Variants in CDKL4 observed in about 807,000 individuals in gnomAD.
The protein encoded by CDKL4 is cyclin-dependent kinase-like 4.
Under a neutral mutation model 42.0 loss-of-function variants are expected in CDKL4, and 44 were observed. That is an observed-to-expected ratio of 1.05 (90% CI 0.82 to 1.35). The LOEUF (loss-of-function observed/expected upper bound fraction) is 1.35. Ranked by LOEUF, CDKL4 falls within the 40% of genes most tolerant of loss-of-function variation. The probability of loss-of-function intolerance (pLI) is 0.00; values close to 1 mark genes in which losing one functional copy is unlikely to be tolerated. For synonymous variants in CDKL4, 120 were observed against 121.6 expected, an observed-to-expected ratio of 0.99 and a Z score of 0.09; for missense variants, 393 against 369.9, an observed-to-expected ratio of 1.06 and a Z score of -0.51.
intron 3 of CDKL4, among the ~76,000 whole-genome samples, chr2:39,221,001 G>A (rs3209967): frequency 1.3e-5 from 1 of 78,826 alleles, no homozygotes; most frequent in East Asian, 4.8e-4. Context: ...TTTTTTTTTT[G>A]TTTTTTTTTT....
intron 3 of CDKL4, among the ~76,000 whole-genome samples, chr2:39,221,901 TC>T (rs1315114661): frequency 6.6e-6 from 1 of 152,228 alleles, no homozygotes; most frequent in African/African-American, 2.4e-5. Context: ...CTCTTGTGCA[TC>T]CCTTGCATCA....
rs533742714 is a variant in CDKL4 at position 39,190,563 on chromosome 2, G to C, written c.455-61C>G. 8.8e-5 allele frequency: 124 copies of C among 1,404,630 alleles called. 1 individual carries two copies. In the South Asian group the frequency reaches 1.2e-3, roughly 14 times the overall value. 87.0% of individuals were successfully genotyped at this position (1,404,630 alleles called of 1,614,324 possible). ...CTCCCAACATGTGAACTGCTCCCAA[G>C]AACACATCAGGCATTCAGGCTGCAA... On this transcript the variant is annotated intron_variant, in intron 5 of 9. Coordinates refer to ENST00000451199, the Ensembl canonical transcript of CDKL4.
chr2:39,207,702 T>C (rs1313606984), intron 4 of CDKL4, among the ~76,000 whole-genome samples: 2 of 152,204 alleles, frequency 1.3e-5, no homozygotes, highest in African/African-American at 4.8e-5. Context: ...AAATGAAGTA[T>C]TGACATATTC....
At chr2:39,175,867 G>A (rs1675142978) in exon 10 of CDKL4, 4 of 368,204 alleles carry the variant, frequency 1.1e-5, no homozygotes, top group Middle Eastern at 1.1e-3. Flanking sequence ...AATGATCAGA[G>A]CAAAACAATT....
chr2:39,194,769 A>G (rs1477230828), intron 5 of CDKL4, among the ~76,000 whole-genome samples: 1 of 152,154 alleles, frequency 6.6e-6, no homozygotes, highest in Non-Finnish European at 1.5e-5. Context: ...GTATATCTAT[A>G]TATCTATATA....
intron 9 of CDKL4, among the ~76,000 whole-genome samples, chr2:39,177,812 C>A (rs1675230860): frequency 6.6e-6 from 1 of 151,760 alleles, no homozygotes. Flanking sequence ...CCTCAGCCTC[C>A]CAAGGAGCTG....
intron 8 of CDKL4, 130 bp downstream of exon 8, chr2:39,184,461 G>T (rs1675609747): frequency 1.6e-6 from 1 of 612,544 alleles, no homozygotes; most frequent in East Asian, 2.9e-5. Flanking sequence ...TTGTTTTACA[G>T]TTCTTTATCA....
rs200804650 is a variant in CDKL4, at chr2:39,236,168, A to AC, written c.-56-6581_-56-6580insG. 8.6e-5 allele frequency among the ~76,000 whole-genome samples: 13 copies of AC among 151,288 alleles called. No homozygotes were observed. In the East Asian group the frequency reaches 2.3e-3, roughly 27 times the overall value. On this transcript the variant is annotated intron_variant, in intron 1 of 9. Coordinates refer to ENST00000451199, the Ensembl canonical transcript of CDKL4. ...AAATTTTAGAGTAAAAAAAAAAAAAAAAACCAGAAATGAAAAATCCTGTAG... is the reference window on the plus strand; with the variant it reads ...AAATTTTAGAGTAAAAAAAAAAAAAACAAACCAGAAATGAAAAATCCTGTAG...
At chr2:39,199,921 C>G (rs1209242756) in intron 5 of CDKL4, among the ~76,000 whole-genome samples, 1 of 152,076 alleles carries the variant, frequency 6.6e-6, no homozygotes, top group African/African-American at 2.4e-5. Context: ...CCCCTGAGAA[C>G]TGGAACAAGA....
intron 7 of CDKL4, among the ~76,000 whole-genome samples, chr2:39,185,362 A>ACATATG (rs1675722054): frequency 1.2e-5 from 1 of 81,444 alleles, no homozygotes; most frequent in African/African-American, 5.5e-5. Context: ...GTATATATAC[A>ACATATG]TATATATATA....
chr2:39,203,644 C>T (rs1187653174), intron 5 of CDKL4, among the ~76,000 whole-genome samples: 1 of 152,052 alleles, frequency 6.6e-6, no homozygotes, highest in Non-Finnish European at 1.5e-5. Flanking sequence ...AAACATTTTC[C>T]GATGCCACTG....
chr2:39,229,080 G>A (rs1001028165), intron 2 of CDKL4, among the ~76,000 whole-genome samples: 2 of 152,080 alleles, frequency 1.3e-5, no homozygotes, highest in East Asian at 1.9e-4. Context: ...ATCCAGAGGA[G>A]GGCCAGGGTT....
At chr2:39,207,063 A>G (rs542934252) in intron 4 of CDKL4, among the ~76,000 whole-genome samples, 1 of 152,300 alleles carries the variant, frequency 6.6e-6, no homozygotes, top group African/African-American at 2.4e-5. Flanking sequence ...AGGTCTCTTA[A>G]AAGTACTAAG....
intron 3 of CDKL4, among the ~76,000 whole-genome samples, chr2:39,221,010 T>G (rs1678317682): frequency 3.0e-5 from 2 of 67,518 alleles, no homozygotes; most frequent in Non-Finnish European, 6.2e-5. Flanking sequence ...TGTTTTTTTT[T>G]TTGTTTTGTT....
downstream of CDKL4, among the ~76,000 whole-genome samples, chr2:39,171,558 G>C (rs560228724): frequency 2.0e-5 from 3 of 152,324 alleles, no homozygotes; most frequent in Admixed American, 2.0e-4. Context: ...GACTGAAATA[G>C]AGATTAAAGA....
intron 8 of CDKL4, among the ~76,000 whole-genome samples, chr2:39,183,151 G>C (rs1380955079): frequency 6.6e-6 from 1 of 152,052 alleles, no homozygotes; most frequent in Non-Finnish European, 1.5e-5. Flanking sequence ...GTGGTGGCGT[G>C]TGCCTGTAGT....
chr2:39,227,032 T>C (rs1386035612), intron 2 of CDKL4, among the ~76,000 whole-genome samples: 2 of 152,126 alleles, frequency 1.3e-5, no homozygotes, highest in Non-Finnish European at 2.9e-5. Flanking sequence ...GCAATCCATC[T>C]GCCTCGGCTT....
intron 3 of CDKL4, among the ~76,000 whole-genome samples, chr2:39,218,560 A>T (rs1012152750): frequency 6.6e-6 from 1 of 152,138 alleles, no homozygotes; most frequent in African/African-American, 2.4e-5. Context: ...TCTGGAAGGG[A>T]TTCACATTTG....
At chr2:39,200,685 A>G (rs893578920) in intron 5 of CDKL4, among the ~76,000 whole-genome samples, 3 of 152,150 alleles carry the variant, frequency 2.0e-5, no homozygotes, top group Non-Finnish European at 2.9e-5. Context: ...AATAAAGCCA[A>G]ATACTTATAG....
Sources: allele counts gnomAD v4.1 joint callset (sites outside exome capture counted in the v4.1 genomes callset), GRCh38; gene constraint gnomAD v4.1.1; transcripts MANE v1.5; gene names NCBI Gene and HGNC (gene_info 2026-07-23, HGNC 2026-07-21).